Variants in LEMD3 observed in about 807,000 individuals in gnomAD.
The protein encoded by LEMD3 is LEM domain containing 3.
In LEMD3, 33 loss-of-function variants were observed where a neutral mutation model predicts 95.2. The ratio of observed to expected loss-of-function variants is 0.35; its 90% CI spans 0.26 to 0.46. LEMD3 has a LOEUF of 0.46. Among genes scored for constraint, LEMD3 ranks in the 20% least tolerant of loss-of-function variants. The probability of loss-of-function intolerance (pLI) is 1.00; values close to 1 mark genes in which losing one functional copy is unlikely to be tolerated. For synonymous variants in LEMD3, 525 were observed against 474.6 expected (o/e 1.11, Z -1.38); for missense variants, 1,210 against 1,192.8 (o/e 1.01, Z -0.21).
intron 9 of LEMD3, 137 bp downstream of exon 9, chr12:65,241,224 G>A (rs548397334): frequency 2.8e-6 from 2 of 722,702 alleles, no homozygotes; most frequent in African/African-American, 1.8e-5. Context: ...AGGAATCAGT[G>A]TTAGCTTCTT....
At chr12:65,192,695 A>C (rs1234752927) in intron 1 of LEMD3, among the ~76,000 whole-genome samples, 1 of 152,212 alleles carries the variant, frequency 6.6e-6, no homozygotes, top group African/African-American at 2.4e-5. Flanking sequence ...GACACAGGAC[A>C]TGATTACTAA....
intron 4 of LEMD3, among the ~76,000 whole-genome samples, chr12:65,224,362 A>G (rs140110239): frequency 6.8e-4 from 104 of 152,266 alleles, no homozygotes; most frequent in Non-Finnish European, 1.3e-3. Flanking sequence ...TTTTCTGGAT[A>G]TGTAGTAGTC....
At chr12:65,196,386 T>C (rs1869430275) in intron 1 of LEMD3, among the ~76,000 whole-genome samples, 2 of 152,244 alleles carry the variant, frequency 1.3e-5, no homozygotes, top group East Asian at 1.9e-4. Flanking sequence ...CCTGTTTTTC[T>C]AATGTGCCTT....
intron 1 of LEMD3, among the ~76,000 whole-genome samples, chr12:65,173,459 A>G (rs187358790): frequency 1.0e-3 from 157 of 152,322 alleles, no homozygotes; most frequent in Admixed American, 1.9e-3. Context: ...GGAAAGAACA[A>G]TGGCTAAGAA....
At position 65,227,251 on chromosome 12, in the gene LEMD3, G is replaced by A. The variant is rs931767907; in HGVS notation, c.1695+8632G>A. Among the ~76,000 whole-genome samples, 3 of 152,196 alleles carry A rather than the reference G, an allele frequency of 2.0e-5. No homozygotes were observed. In the South Asian group the frequency reaches 6.2e-4, roughly 32 times the overall value. ...ATAATTGAATGGGTTTTCACTTCTAGTAGTAGGACTATCTTATCCCATTCA... is the reference window on the plus strand; with the variant it reads ...ATAATTGAATGGGTTTTCACTTCTAATAGTAGGACTATCTTATCCCATTCA... On this transcript the variant is annotated intron_variant, in intron 4 of 12. Coordinates refer to ENST00000308330, the MANE Select transcript of LEMD3 (RefSeq NM_014319.5).
Position 65,170,134 on chromosome 12 carries a change from A to G in LEMD3, c.538A>G (p.Ser180Gly). 1 of 1,466,202 alleles carries G rather than the reference A, an allele frequency of 6.8e-7. No homozygotes were observed. The highest frequency in any genetic ancestry group is 9.0e-7 in the Non-Finnish European group (1 of 1,114,572). 90.8% of individuals were successfully genotyped at this position (1,466,202 alleles called of 1,614,324 possible). ...AGCGCCGCCGGCGCCCCTGGCCGCC[A>G]GCGAGGTGACTAACAGCAACTCTGC... ...LKAPPAPLAA[S>G]EVTNSNSAER... The change falls in exon 1 of 13, where the codon AGC (serine) becomes GGC (glycine). Residue 180 changes from serine to glycine, a missense_variant. Around this residue, in one of 2 missense-constraint regions of LEMD3, gnomAD observed 749 missense variants for 622.9 expected, o/e 1.20. Coordinates refer to ENST00000308330, the MANE Select transcript of LEMD3 (RefSeq NM_014319.5).
chr12:65,197,876 G>A (rs562849788), intron 1 of LEMD3, among the ~76,000 whole-genome samples: 7 of 152,066 alleles, frequency 4.6e-5, no homozygotes, highest in Middle Eastern at 3.4e-3. Flanking sequence ...TTCTCTGTGC[G>A]TTTGCTCTCT....
intron 4 of LEMD3, among the ~76,000 whole-genome samples, chr12:65,219,692 A>G (rs1870223507): frequency 6.6e-6 from 1 of 152,186 alleles, no homozygotes; most frequent in Admixed American, 6.5e-5. Flanking sequence ...CTCTATAGCC[A>G]TTGCACAGCA....
At chr12:65,214,552 A>G (rs900486752) in intron 2 of LEMD3, among the ~76,000 whole-genome samples, 9 of 152,230 alleles carry the variant, frequency 5.9e-5, no homozygotes, top group Non-Finnish European at 1.0e-4. Flanking sequence ...TAAAGCTGCA[A>G]TGACAAAAGC....
At chr12:65,238,198 C>T (rs1473123827) in intron 4 of LEMD3, among the ~76,000 whole-genome samples, 1 of 152,068 alleles carries the variant, frequency 6.6e-6, no homozygotes, top group African/African-American at 2.4e-5. Flanking sequence ...TTGCTTGAAC[C>T]CAGGAGGCGG....
chr12:65,211,450 T>A (rs2136336181), intron 2 of LEMD3, among the ~76,000 whole-genome samples: 1 of 152,340 alleles, frequency 6.6e-6, no homozygotes, highest in South Asian at 2.1e-4. Flanking sequence ...TTTAATTTTT[T>A]AAAGAGTGCT....
At chr12:65,188,813 G>A (rs1374357214) in intron 1 of LEMD3, among the ~76,000 whole-genome samples, 1 of 152,054 alleles carries the variant, frequency 6.6e-6, no homozygotes, top group African/African-American at 2.4e-5. Flanking sequence ...TCTTATTTTT[G>A]TTGCTCTAAT....
At position 65,169,747 on chromosome 12, in the gene LEMD3, C is replaced by T. The variant is rs1296268728; in HGVS notation, c.151C>T (p.Gln51Ter). 1 of 1,592,710 alleles carries T rather than the reference C, an allele frequency of 6.3e-7. No homozygotes were observed. Among genetic ancestry groups the T allele is most frequent in the Non-Finnish European group, 8.5e-7 (1 of 1,169,858 alleles). The part of the protein sequence containing the change: ...KKLKKLREEE[Q>*]QQHRSGGRGN... ...GCTGAAGAAGCTTCGAGAGGAAGAG[C>T]AGCAACAGCACCGGTCAGGGGGCCG... The change falls in exon 1 of 13, where the codon CAG (glutamine) becomes TAG (stop). Residue 51 changes from glutamine to a stop codon, truncating the protein, a stop_gained. Transcript: ENST00000308330. LOFTEE classifies it high-confidence loss of function.
chr12:65,239,306 A>G (rs557004323), intron 6 of LEMD3, among the ~76,000 whole-genome samples: 1 of 152,240 alleles, frequency 6.6e-6, no homozygotes, highest in East Asian at 1.9e-4. Context: ...CTGTAATCCC[A>G]GCACTTTGGG....
chr12:65,184,237 TCA>T (rs1463912826), intron 1 of LEMD3, among the ~76,000 whole-genome samples: 1 of 152,182 alleles, frequency 6.6e-6, no homozygotes, highest in Admixed American at 6.5e-5. Context: ...GAATATTTTC[TCA>T]CAAACTTTTT....
chr12:65,187,254 A>G (rs892710994), intron 1 of LEMD3, among the ~76,000 whole-genome samples: 2 of 152,104 alleles, frequency 1.3e-5, no homozygotes, highest in African/African-American at 4.8e-5. Flanking sequence ...GGTTATAAGG[A>G]TAGTTTTAAG....
chr12:65,243,887 T>C (rs1871009752), intron 10 of LEMD3, among the ~76,000 whole-genome samples: 1 of 152,202 alleles, frequency 6.6e-6, no homozygotes, highest in Non-Finnish European at 1.5e-5. Flanking sequence ...CCTACAAAGA[T>C]GTATATACCT....
chr12:65,238,384 A>C, intron 4 of LEMD3, 118 bp from the exon 5 acceptor site: 1 of 683,472 alleles, frequency 1.5e-6, no homozygotes, highest in Non-Finnish European at 2.5e-6. Flanking sequence ...TTCTGTAATG[A>C]ATATTTTATG....
At chr12:65,232,442 T>C (rs936573006) in intron 4 of LEMD3, among the ~76,000 whole-genome samples, 2 of 152,204 alleles carry the variant, frequency 1.3e-5, no homozygotes, top group African/African-American at 2.4e-5. Context: ...ACAGTGAGTA[T>C]AGTAAATGTT....
Sources: allele counts gnomAD v4.1 joint callset (sites outside exome capture counted in the v4.1 genomes callset), GRCh38; gene constraint gnomAD v4.1.1; regional missense constraint gnomAD v4.1.1; transcripts MANE v1.5; gene names NCBI Gene and HGNC (gene_info 2026-07-23, HGNC 2026-07-21).